The following ZNF396 variants were observed in gnomAD, a reference collection of about 807,000 sequenced individuals.
The protein encoded by ZNF396 is zinc finger protein 396.
In ZNF396, 14 loss-of-function variants were observed where a neutral mutation model predicts 20.5. The observed-to-expected ratio is 0.68, with a 90% CI of 0.45 to 1.07. The LOEUF is 1.07. Among genes scored for constraint, ZNF396 ranks in the 50% least tolerant of loss-of-function variants. ZNF396 has a pLI of 0.00. For synonymous variants in ZNF396, 119 were observed against 140.6 expected (o/e 0.85, Z 1.08); for missense variants, 347 against 390.1 (o/e 0.89, Z 0.93).
At chr18:35,376,815 A>C (rs2143921954) in intron 1 of ZNF396, among the ~76,000 whole-genome samples, 1 of 152,288 alleles carries the variant, frequency 6.6e-6, no homozygotes, top group East Asian at 1.9e-4. Context: ...ACCGCACGAC[A>C]ACCAGAAAGA....
Position 35,367,131 on chromosome 18 carries a change from C to T in ZNF396, c.*2084G>A, listed in dbSNP as rs964959075. On this transcript the variant is annotated 3_prime_UTR_variant, in exon 4 of 4. Transcript: ENST00000589332. The stretch of plus-strand genomic sequence containing the variant: ...TTTCAATAGATGGTTTGTTCCTCTC[C>T]GTAATTACAAAGACAATGAGCCCCA... 2.6e-5 allele frequency: 4 copies of T among 152,110 alleles called. No individual in the cohort carries two copies. The highest frequency in any genetic ancestry group is 4.4e-5 in the Non-Finnish European group (3 of 68,014). The allele number at this position is 152,110 out of a possible 1,614,324, so 9.4% of individuals were successfully genotyped here. A position where few individuals can be genotyped will look rare whatever the true frequency, so the allele number is the denominator to read the frequency against.
At chr18:35,370,297 T>C (rs1598701254) in intron 3 of ZNF396, among the ~76,000 whole-genome samples, 1 of 152,142 alleles carries the variant, frequency 6.6e-6, no homozygotes, top group African/African-American at 2.4e-5. Flanking sequence ...TGTATTATTT[T>C]GTATTACATT....
chr18:35,369,172 G>C lies in ZNF396; in HGVS notation c.*43C>G. The C allele has an allele frequency of 1.3e-6, 2 of 1,484,612 alleles. No individual in the cohort carries two copies. The highest frequency in any genetic ancestry group is 1.8e-6 in the Non-Finnish European group (2 of 1,119,606). The allele number at this position is 1,484,612 out of a possible 1,614,324, so 92.0% of individuals were successfully genotyped here. Reference sequence around the variant, plus strand: ...GTTTGCATCTGGTGTCTTCCCTTGTGCTGAAATAGCTCTGAGTAAATGCTT... The same window carrying C: ...GTTTGCATCTGGTGTCTTCCCTTGTCCTGAAATAGCTCTGAGTAAATGCTT... On this transcript the variant is annotated 3_prime_UTR_variant, in exon 4 of 4. Coordinates refer to ENST00000589332, the MANE Select transcript of ZNF396 (RefSeq NM_001322286.2).
chr18:35,373,233 T>C (rs773744965), intron 3 of ZNF396: 1 of 538,068 alleles, frequency 1.9e-6, no homozygotes, highest in East Asian at 3.3e-5. Context: ...CTGATGCAGA[T>C]GTCAGGGATT....
chr18:35,367,821 T>C lies in ZNF396; in HGVS notation c.*1394A>G, dbSNP rs1415772559. 6.6e-6 allele frequency: 1 copy of C among 152,224 alleles called. No individual in the cohort carries two copies. Among genetic ancestry groups the C allele is most frequent in the African/African-American group, 2.4e-5 (1 of 41,462 alleles). The allele number at this position is 152,224 out of a possible 1,614,324, so 9.4% of individuals were successfully genotyped here. ...TGCAGTGGACCCTTTAAATTGAACT[T>C]CAGTGATTTGTCCATATGTACAAGA... On this transcript the variant is annotated 3_prime_UTR_variant, in exon 4 of 4. Coordinates refer to ENST00000589332, the MANE Select transcript of ZNF396 (RefSeq NM_001322286.2).
In ZNF396 at chr18:35,369,249, T is replaced by C; in HGVS notation, c.974A>G (p.His325Arg). ...AFSQSSNLFR[H>R]RKRHIRKKVP ...TTTTTTTCTAATGTGTCTTTTCCTA[T>C]GTCTAAAAAGATTTGAGCTCTGACT... The change falls in exon 4 of 4, where the codon CAT becomes CGT. Residue 325 changes from histidine (H) to arginine (R), a missense_variant. His to Arg is a conservative substitution (Grantham distance 29). Coordinates refer to ENST00000589332, the MANE Select transcript of ZNF396 (RefSeq NM_001322286.2). 6.2e-7 allele frequency: 1 copy of C among 1,605,516 alleles called. No homozygotes were observed.
chr18:35,372,044 A>T (rs1014010581), intron 3 of ZNF396: 1 of 152,192 alleles, frequency 6.6e-6, no homozygotes, highest in Admixed American at 6.5e-5. Flanking sequence ...TGTGGCCTTA[A>T]GAAATGGTTC....
chr18:35,369,129 T>C lies in ZNF396; in HGVS notation c.*86A>G, dbSNP rs1052556313. On this transcript the variant is annotated 3_prime_UTR_variant, in exon 4 of 4. Transcript: ENST00000589332. ...GGAGACTGGTGCTTACTAAGACCAC[T>C]GATTTGTACTAAGGAGCGTTTGCAT... 6.9e-7 allele frequency: 1 copy of C among 1,450,416 alleles called. No homozygotes were observed. Among genetic ancestry groups the C allele is most frequent in the South Asian group, 1.5e-5 (1 of 65,226 alleles). 89.8% of individuals were successfully genotyped at this position (1,450,416 alleles called of 1,614,324 possible).
In ZNF396 at chr18:35,367,619, G is replaced by A. The variant is rs2075423335; in HGVS notation, c.*1596C>T. On this transcript the variant is annotated 3_prime_UTR_variant, in exon 4 of 4. Transcript: ENST00000589332. Reference sequence around the variant, plus strand: ...TAGATAATTTTGTTGTTTGTATACTGTCAGAATAATTTTAATAATGTACGA... The same window carrying A: ...TAGATAATTTTGTTGTTTGTATACTATCAGAATAATTTTAATAATGTACGA... The A allele has an allele frequency of 6.9e-6, 1 of 145,592 alleles. No individual in the cohort carries two copies. The highest frequency in any genetic ancestry group is 1.5e-5 in the Non-Finnish European group (1 of 66,742). 9.0% of individuals were successfully genotyped at this position (145,592 alleles called of 1,614,324 possible).
chr18:35,373,445 T>C lies in ZNF396; in HGVS notation c.562+11A>G, dbSNP rs760280167. On this transcript the variant is annotated intron_variant, in intron 3 of 3. Transcript: ENST00000589332. ...ACACCTTCCAACATGAACTGAATCC[T>C]GCCCCCTCACCATGTGGTCTTAAGG... 6.2e-7 allele frequency: 1 copy of C among 1,612,488 alleles called. No individual in the cohort carries two copies. Among genetic ancestry groups the C allele is most frequent in the South Asian group, 1.1e-5 (1 of 90,808 alleles).
rs1427903888 is a variant in ZNF396 at position 35,369,236 on chromosome 18, G to GT, written c.986dup (p.His329GlnfsTer3). On this transcript the variant is annotated frameshift_variant, in exon 4 of 4. Transcript: ENST00000589332. LOFTEE classifies it high-confidence loss of function. ...ATACTTATGGGACTTTTTTTCTAAT[G>GT]TGTCTTTTCCTATGTCTAAAAAGAT... 1 of 1,585,804 alleles carries GT rather than the reference G, an allele frequency of 6.3e-7. No individual in the cohort carries two copies. The highest frequency in any genetic ancestry group is 2.2e-5 in the East Asian group (1 of 44,650).
intron 1 of ZNF396, among the ~76,000 whole-genome samples, chr18:35,375,668 G>C (rs1048499998): frequency 3.6e-5 from 5 of 139,994 alleles, no homozygotes; most frequent in Non-Finnish European, 6.1e-5. Context: ...CAACAAAGTT[G>C]GGGGGGGACG....
rs1238545537 is a variant in ZNF396 at position 35,373,483 on chromosome 18, A to C, written c.535T>G (p.Trp179Gly). The stretch of plus-strand genomic sequence containing the variant: ...TGTGGTCTTAAGGACTGAAGCTCCC[A>C]TGATGCTCCCTGGAGCTGCTTCTTC... ...PVKKQLQGAS[W>G]ELQSLRPHDE... Residue 179 changes from tryptophan to glycine, a missense_variant, in exon 3 of 4, where the codon TGG becomes GGG. By Grantham distance (184) the Trp-to-Gly change is radical. Coordinates refer to ENST00000589332, the MANE Select transcript of ZNF396 (RefSeq NM_001322286.2). The C allele has an allele frequency of 6.2e-7, 1 of 1,614,096 alleles. No homozygotes were observed. Among genetic ancestry groups the C allele is most frequent in the African/African-American group, 1.3e-5 (1 of 75,012 alleles).
In ZNF396 at chr18:35,374,055, A is replaced by G; in HGVS notation, c.238T>C (p.Trp80Arg). Residue 80 changes from tryptophan to arginine, a missense_variant, in exon 2 of 4, where the codon TGG becomes CGG. Transcript: ENST00000589332. This position sits in a 1 kb window ranked among gnomAD's most constrained non-coding sequence, Gnocchi z 4.3. ...LSRLWELCHL[W>R]LRPEVHTKEQ... Reference sequence around the variant, plus strand: ...TTGGTGTGCACTTCCGGCCTCAGCCAGAGATGACAAAGTTCCCAGAGCCGG... The same window carrying G: ...TTGGTGTGCACTTCCGGCCTCAGCCGGAGATGACAAAGTTCCCAGAGCCGG... 6.2e-7 allele frequency: 1 copy of G among 1,614,206 alleles called. No individual in the cohort carries two copies. Among genetic ancestry groups the G allele is most frequent in the Non-Finnish European group, 8.5e-7 (1 of 1,180,018 alleles).
At position 35,369,375 on chromosome 18, in the gene ZNF396, TCGTCA is replaced by T. The variant is rs777224773; in HGVS notation, c.843_847del (p.Cys281Ter). 1.2e-6 allele frequency: 2 copies of T among 1,614,274 alleles called. No individual in the cohort carries two copies. Among genetic ancestry groups the T allele is most frequent in the Non-Finnish European group, 1.7e-6 (2 of 1,180,048 alleles). ...GCTTCGGCTGAATGCCTTTGCACAC[TCGTCA>T]CATGCATAAGGTTTCTTTCCACTGT... is the stretch of plus-strand genomic sequence containing the variant. On this transcript the variant is annotated stop_gained and frameshift_variant, in exon 4 of 4. Transcript: ENST00000589332. LOFTEE classifies it low-confidence loss of function (END_TRUNC).
chr18:35,374,102 G>A lies in ZNF396; in HGVS notation c.191C>T (p.Pro64Leu), dbSNP rs754646015. Residue 64 changes from proline (P) to leucine (L), a missense_variant, in exon 2 of 4, where the codon CCT (proline) becomes CTT (leucine). By Grantham distance (98) the Pro-to-Leu change is moderately conservative. Transcript: ENST00000589332. The surrounding 1 kb of genome is among the most constrained non-coding windows in gnomAD (Gnocchi z 4.3). ...QFRQFGYQDS[P>L]GPHEALSRLW... ...CCGGCTCAGAGCCTCATGGGGCCCA[G>A]GTGAATCCTGGTAGCCAAACTGCCT... is the stretch of plus-strand genomic sequence containing the variant. 1.2e-6 allele frequency: 2 copies of A among 1,614,138 alleles called. No individual in the cohort carries two copies. Among genetic ancestry groups the A allele is most frequent in the East Asian group, 2.2e-5 (1 of 44,902 alleles).
rs778094480 is a variant in ZNF396 at position 35,374,507 on chromosome 18, T to G, written c.-72-143A>C. ...AGAAACCATGCTTTTATTTATTTAT[T>G]TATTTTTGAGATGGAGTCTTGCTCT... On this transcript the variant is annotated intron_variant, in intron 1 of 3. Transcript: ENST00000589332. The surrounding 1 kb of genome is among the most constrained non-coding windows in gnomAD (Gnocchi z 4.3). 4 of 424,920 alleles carry G rather than the reference T, an allele frequency of 9.4e-6. No individual in the cohort carries two copies. Among genetic ancestry groups the G allele is most frequent in the Non-Finnish European group, 1.7e-5 (4 of 236,700 alleles). 26.3% of individuals were successfully genotyped at this position (424,920 alleles called of 1,614,324 possible). A position where few individuals can be genotyped will look rare whatever the true frequency, so the allele number is the denominator to read the frequency against.
At position 35,374,546 on chromosome 18, in the gene ZNF396, G is replaced by C; in HGVS notation, c.-72-182C>G. The C allele has an allele frequency of 3.3e-6, 1 of 298,840 alleles. No individual in the cohort carries two copies. 18.5% of individuals were successfully genotyped at this position (298,840 alleles called of 1,614,324 possible). A position where few individuals can be genotyped will look rare whatever the true frequency, so the allele number is the denominator to read the frequency against. On this transcript the variant is annotated intron_variant, in intron 1 of 3. Transcript: ENST00000589332. This position sits in a 1 kb window ranked among gnomAD's most constrained non-coding sequence, Gnocchi z 4.3. ...GAGTCTTGCTCTGTTGCCCAGGCTG[G>C]AGTGCAATGGTGTGATCTCGGCTCA...
chr18:35,370,651 T>C (rs1002180142), intron 3 of ZNF396, among the ~76,000 whole-genome samples: 68 of 149,930 alleles, frequency 4.5e-4, no homozygotes, highest in African/African-American at 1.6e-3. Flanking sequence ...TAGCTGGGAC[T>C]ACAGGCGCCC....
Sources: allele counts gnomAD v4.1 joint callset (sites outside exome capture counted in the v4.1 genomes callset), GRCh38; gene constraint gnomAD v4.1.1; non-coding constraint Gnocchi (gnomAD v3.1); transcripts MANE v1.5; gene names NCBI Gene and HGNC (gene_info 2026-07-23, HGNC 2026-07-21).